CLSTN2: variants seen among roughly 807,000 people sequenced by gnomAD.
The protein encoded by CLSTN2 is calsyntenin 2, also known as calsyntenin-2.
In CLSTN2, 48 loss-of-function variants were observed where a neutral mutation model predicts 101.2. The observed-to-expected ratio is 0.47, with a 90% confidence interval of 0.38 to 0.60. CLSTN2 has a LOEUF of 0.60. Among genes scored for constraint, CLSTN2 ranks in the 20% least tolerant of loss-of-function variants. The probability of loss-of-function intolerance (pLI) is 0.00; values close to 1 mark genes in which losing one functional copy is unlikely to be tolerated. For synonymous variants in CLSTN2, 481 were observed against 463.6 expected (o/e 1.04, Z -0.48); for missense variants, 1,160 against 1,238.2 (o/e 0.94, Z 0.95).
intron 1 of CLSTN2, among the ~76,000 whole-genome samples, chr3:140,094,639 T>A (rs1040040827): frequency 1.3e-5 from 2 of 152,186 alleles, no homozygotes; most frequent in Non-Finnish European, 2.9e-5. Context: ...TGTAACATCA[T>A]AAGTGCCTAA....
chr3:140,379,745 C>T (rs1052137094), intron 2 of CLSTN2, among the ~76,000 whole-genome samples: 1 of 151,962 alleles, frequency 6.6e-6, no homozygotes, highest in South Asian at 2.1e-4. Flanking sequence ...TATTATGTAG[C>T]CACCAAAATA....
chr3:140,543,054 C>T (rs1463722126), intron 9 of CLSTN2, among the ~76,000 whole-genome samples: 1 of 152,132 alleles, frequency 6.6e-6, no homozygotes. Context: ...GAGTATCTAC[C>T]TCACAACAGT....
intron 1 of CLSTN2, among the ~76,000 whole-genome samples, chr3:140,084,136 A>G (rs1005113800): frequency 6.6e-6 from 1 of 152,176 alleles, no homozygotes; most frequent in Non-Finnish European, 1.5e-5. Flanking sequence ...ATGAATCAGC[A>G]TATTGGTGTT....
intron 4 of CLSTN2, 23 bp downstream of exon 4, chr3:140,404,789 T>C (rs1446265613): frequency 6.2e-7 from 1 of 1,604,146 alleles, no homozygotes; most frequent in South Asian, 1.1e-5. Context: ...AGAGGACCCC[T>C]GTGGGGTCAG....
chr3:140,484,620 T>A (rs1480466223), intron 8 of CLSTN2, among the ~76,000 whole-genome samples: 3 of 152,240 alleles, frequency 2.0e-5, no homozygotes, highest in Non-Finnish European at 2.9e-5. Context: ...GTAGATTTGG[T>A]CTTTTCACAT....
At chr3:140,379,290 C>A (rs1191687407) in intron 2 of CLSTN2, among the ~76,000 whole-genome samples, 1 of 152,166 alleles carries the variant, frequency 6.6e-6, no homozygotes, top group African/African-American at 2.4e-5. Context: ...AGGACACAAT[C>A]TCTGGACCAT....
chr3:140,175,417 ATATT>A (rs1213027016), intron 1 of CLSTN2, among the ~76,000 whole-genome samples: 5 of 152,094 alleles, frequency 3.3e-5, no homozygotes, highest in African/African-American at 1.2e-4. Flanking sequence ...ATATATAATG[ATATT>A]TATACATATG....
intron 4 of CLSTN2, among the ~76,000 whole-genome samples, chr3:140,405,233 A>AC (rs2088289916): frequency 6.7e-6 from 1 of 149,280 alleles, no homozygotes; most frequent in African/African-American, 2.5e-5. Flanking sequence ...TTCATTCAGG[A>AC]TTTTTTTTTT....
intron 1 of CLSTN2, among the ~76,000 whole-genome samples, chr3:140,007,193 A>G (rs191162863): frequency 6.6e-6 from 1 of 152,146 alleles, no homozygotes; most frequent in African/African-American, 2.4e-5. Context: ...TCTTGCAGAG[A>G]TGGTTTCACT....
intron 1 of CLSTN2, among the ~76,000 whole-genome samples, chr3:140,123,217 G>A (rs1245586845): frequency 1.3e-5 from 2 of 151,516 alleles, no homozygotes; most frequent in African/African-American, 4.8e-5. Flanking sequence ...TGGTAGAAGA[G>A]TGGAAGGTCA....
intron 2 of CLSTN2, among the ~76,000 whole-genome samples, chr3:140,393,200 T>C (rs1328109728): frequency 6.6e-6 from 1 of 152,164 alleles, no homozygotes; most frequent in Non-Finnish European, 1.5e-5. Flanking sequence ...AAACAGACTT[T>C]GGGTAAACTT....
chr3:139,941,236 A>G (rs1040216033), intron 1 of CLSTN2, among the ~76,000 whole-genome samples: 1 of 152,120 alleles, frequency 6.6e-6, no homozygotes, highest in Non-Finnish European at 1.5e-5. Flanking sequence ...GCTGGGGAAG[A>G]GCACTGAGCT....
chr3:140,382,073 G>A (rs1326096848), intron 2 of CLSTN2, among the ~76,000 whole-genome samples: 5 of 152,076 alleles, frequency 3.3e-5, no homozygotes, highest in Non-Finnish European at 7.4e-5. Flanking sequence ...AATGCAGTGT[G>A]TAGGTACCCT....
intron 2 of CLSTN2, among the ~76,000 whole-genome samples, chr3:140,307,050 A>G (rs1426653321): frequency 6.6e-6 from 1 of 151,910 alleles, no homozygotes; most frequent in African/African-American, 2.4e-5. Flanking sequence ...AATAAGTCTC[A>G]TGAGATCTGA....
chr3:140,533,295 A>AAGCAG (rs895851356), intron 9 of CLSTN2, among the ~76,000 whole-genome samples: 1 of 152,118 alleles, frequency 6.6e-6, no homozygotes, highest in Non-Finnish European at 1.5e-5. Flanking sequence ...CTCCCCAAAT[A>AAGCAG]AGCAGATTAG....
intron 1 of CLSTN2, among the ~76,000 whole-genome samples, chr3:140,031,392 G>C (rs139017481): frequency 6.6e-6 from 1 of 152,138 alleles, no homozygotes; most frequent in African/African-American, 2.4e-5. Context: ...CCTGGTAGCC[G>C]CTTGGAAGTG....
intron 2 of CLSTN2, among the ~76,000 whole-genome samples, chr3:140,365,127 C>A (rs540588252): frequency 6.6e-6 from 1 of 152,254 alleles, no homozygotes; most frequent in African/African-American, 2.4e-5. Context: ...GGGAGCATCC[C>A]AAACGGAGAA....
At chr3:139,941,412 A>G (rs1433734757) in intron 1 of CLSTN2, among the ~76,000 whole-genome samples, 1 of 152,156 alleles carries the variant, frequency 6.6e-6, no homozygotes, top group Non-Finnish European at 1.5e-5. Flanking sequence ...GCCAATTACT[A>G]TTTCTCAGCC....
intron 1 of CLSTN2, among the ~76,000 whole-genome samples, chr3:140,094,051 G>A (rs546942301): frequency 1.3e-5 from 2 of 152,302 alleles, no homozygotes; most frequent in East Asian, 1.9e-4. Flanking sequence ...TGTTCCATAT[G>A]AGAAATTCAA....
Sources: gnomAD v4.1 joint callset for allele counts (sites outside exome capture counted in the v4.1 genomes callset) on GRCh38, gnomAD v4.1.1 for gene constraint, MANE v1.5 for transcripts, NCBI Gene and HGNC (gene_info 2026-07-23, HGNC 2026-07-21) for gene names.